LINGO2: variants seen among roughly 807,000 people sequenced by gnomAD.
LINGO2 encodes the protein leucine rich repeat and Ig domain containing 2.
LINGO2 carries 14 observed loss-of-function variants against 30.6 expected under a neutral mutation model. The ratio of observed to expected loss-of-function variants is 0.46; its 90% CI spans 0.30 to 0.72. The LOEUF (loss-of-function observed/expected upper bound fraction) is 0.72, where lower values mean the gene tolerates loss of function less well. Among genes scored for constraint, LINGO2 ranks in the 30% least tolerant of loss-of-function variants. LINGO2 has a pLI of 0.07. For missense variants in LINGO2, 729 were observed against 751.7 expected (o/e 0.97, Z 0.35); for synonymous variants, 317 against 288.5 (o/e 1.10, Z -1.00).
At chr9:28,236,249 G>GA (rs1302637904) in intron 4 of LINGO2, among the ~76,000 whole-genome samples, 2 of 152,108 alleles carry the variant, frequency 1.3e-5, no homozygotes, top group African/African-American at 4.8e-5. Flanking sequence ...CTTTAAGCAT[G>GA]AAGGATAAAG....
intron 2 of LINGO2, among the ~76,000 whole-genome samples, chr9:28,400,965 T>A (rs111698365): frequency 0.026 from 3,936 of 152,308 alleles, 68 homozygotes; most frequent in Non-Finnish European, 0.039. Flanking sequence ...TTCTGTTTTT[T>A]ATTTCTTTCA....
chr9:28,993,408 T>A, the LINGO2 span, among the ~76,000 whole-genome samples: 3 of 152,114 alleles, frequency 2.0e-5, no homozygotes, highest in African/African-American at 7.2e-5. Context: ...CAGGACCAGA[T>A]GGAATCATAG....
At chr9:28,111,728 A>C (rs1370131918) in intron 4 of LINGO2, among the ~76,000 whole-genome samples, 2 of 152,148 alleles carry the variant, frequency 1.3e-5, no homozygotes, top group Non-Finnish European at 1.5e-5. Context: ...ATATTAATTG[A>C]TCAATGAAGT....
the LINGO2 span, among the ~76,000 whole-genome samples, chr9:28,952,060 A>G: frequency 0.023 from 3,427 of 152,156 alleles, 107 homozygotes; most frequent in African/African-American, 0.077. Flanking sequence ...TCTCAAACAC[A>G]TTTGTCAGAT....
chr9:28,229,886 T>C (rs1276718085), intron 4 of LINGO2, among the ~76,000 whole-genome samples: 1 of 151,764 alleles, frequency 6.6e-6, no homozygotes, highest in East Asian at 1.9e-4. Flanking sequence ...ATGGAGTTTA[T>C]TGCAAAATAA....
At chr9:28,102,449 G>A (rs1224904721) in intron 4 of LINGO2, among the ~76,000 whole-genome samples, 1 of 152,044 alleles carries the variant, frequency 6.6e-6, no homozygotes, top group Non-Finnish European at 1.5e-5. Context: ...ACTCAAAATT[G>A]CCTTAAGCAA....
intron 3 of LINGO2, among the ~76,000 whole-genome samples, chr9:28,340,324 G>T (rs1425742903): frequency 6.6e-6 from 1 of 152,096 alleles, no homozygotes; most frequent in African/African-American, 2.4e-5. Context: ...CCTCAATACT[G>T]CTAGCTGATT....
At chr9:28,521,760 G>C (rs890017152) in intron 1 of LINGO2, among the ~76,000 whole-genome samples, 1 of 152,110 alleles carries the variant, frequency 6.6e-6, no homozygotes, top group African/African-American at 2.4e-5. Context: ...ATATAATCAA[G>C]TTCAGATGAG....
intron 2 of LINGO2, 139 bp from the exon 5 acceptor site, chr9:28,373,007 T>C (rs1164026355): frequency 5.9e-5 from 2 of 33,784 alleles, no homozygotes; most frequent in Non-Finnish European, 1.6e-4. Context: ...AGCATTTAAC[T>C]ACAGAGAGAA....
At chr9:28,754,821 C>T in the LINGO2 span, among the ~76,000 whole-genome samples, 1 of 151,730 alleles carries the variant, frequency 6.6e-6, no homozygotes, top group Admixed American at 6.6e-5. Context: ...TTAATAGAGA[C>T]AGGGTTTCAC....
At chr9:28,381,778 G>T (rs1821367672) in intron 2 of LINGO2, among the ~76,000 whole-genome samples, 1 of 151,994 alleles carries the variant, frequency 6.6e-6, no homozygotes, top group Non-Finnish European at 1.5e-5. Context: ...TGACCCAGAT[G>T]GTCATTTATG....
chr9:28,348,580 C>T (rs1171837234), intron 3 of LINGO2, among the ~76,000 whole-genome samples: 2 of 152,168 alleles, frequency 1.3e-5, no homozygotes, highest in Non-Finnish European at 2.9e-5. Flanking sequence ...GGAGGGGCGC[C>T]CACCATTGCC....
intron 4 of LINGO2, among the ~76,000 whole-genome samples, chr9:28,182,259 A>G (rs1819373440): frequency 6.6e-6 from 1 of 152,236 alleles, no homozygotes; most frequent in African/African-American, 2.4e-5. Context: ...CTGACTAGCC[A>G]TATGCAGAAA....
intron 3 of LINGO2, among the ~76,000 whole-genome samples, chr9:28,366,928 T>C (rs1341469970): frequency 1.3e-5 from 2 of 152,088 alleles, no homozygotes; most frequent in Non-Finnish European, 2.9e-5. Flanking sequence ...TTGTATATTT[T>C]GATAATAATC....
chr9:28,258,320 A>C (rs1167429142), intron 4 of LINGO2, among the ~76,000 whole-genome samples: 1 of 151,958 alleles, frequency 6.6e-6, no homozygotes, highest in East Asian at 1.9e-4. Flanking sequence ...TCCTAAGAGA[A>C]AACTACCCCT....
chr9:28,515,340 G>A (rs1820579062), intron 1 of LINGO2, among the ~76,000 whole-genome samples: 1 of 151,858 alleles, frequency 6.6e-6, no homozygotes, highest in Non-Finnish European at 1.5e-5. Flanking sequence ...CTGAGTAGCT[G>A]GGACTACAGG....
chr9:28,039,969 C>G (rs967074524), intron 4 of LINGO2, among the ~76,000 whole-genome samples: 1 of 152,164 alleles, frequency 6.6e-6, no homozygotes, highest in African/African-American at 2.4e-5. Flanking sequence ...ATTTGCCACT[C>G]TTTGAAAACA....
At chr9:28,791,873 T>C in the LINGO2 span, among the ~76,000 whole-genome samples, 1 of 151,722 alleles carries the variant, frequency 6.6e-6, no homozygotes, top group South Asian at 2.1e-4. Flanking sequence ...GAAAACATTG[T>C]AATTATCTGA....
chr9:28,989,249 GA>G, the LINGO2 span, among the ~76,000 whole-genome samples: 1 of 152,152 alleles, frequency 6.6e-6, no homozygotes, highest in African/African-American at 2.4e-5. Flanking sequence ...TTGTTTAGAT[GA>G]CTTCTAATTA....
Sources: allele counts gnomAD v4.1 joint callset (sites outside exome capture counted in the v4.1 genomes callset), GRCh38; gene constraint gnomAD v4.1.1; transcripts MANE v1.5; gene names NCBI Gene and HGNC (gene_info 2026-07-23, HGNC 2026-07-21).